ST3GAL6: variants seen among roughly 807,000 people sequenced by gnomAD.
ST3GAL6 encodes type 2 lactosamine alpha-2,3-sialyltransferase.
Under a neutral mutation model 40.5 loss-of-function variants are expected in ST3GAL6, and 31 were observed. The observed-to-expected ratio is 0.77, with a 90% CI of 0.58 to 1.03. The LOEUF (loss-of-function observed/expected upper bound fraction) is 1.03, where lower values mean the gene tolerates loss of function less well. ST3GAL6 is among the 50% of genes least tolerant of loss of function. ST3GAL6 has a pLI of 0.00. For missense variants in ST3GAL6, 357 were observed against 393.2 expected (o/e 0.91, Z 0.78); for synonymous variants, 129 against 136.9 (o/e 0.94, Z 0.40).
chr3:98,784,840 G>A lies in ST3GAL6; in HGVS notation c.336-105G>A, dbSNP rs949760456. 7 of 833,218 alleles carry A rather than the reference G, an allele frequency of 8.4e-6. No individual in the cohort carries two copies. In the African/African-American group the frequency reaches 1.0e-4, roughly 12 times the overall value. The allele number at this position is 833,218 out of a possible 1,614,324, so 51.6% of individuals were successfully genotyped here. On this transcript the variant is annotated intron_variant, in intron 5 of 9. Transcript: ENST00000483910. Reference sequence around the variant, plus strand: ...CGCAGTTGGTTCTTTTTCTACTTGCGCAACAAGTGGAATTTGGCACTGGGT... The same window carrying A: ...CGCAGTTGGTTCTTTTTCTACTTGCACAACAAGTGGAATTTGGCACTGGGT...
chr3:98,758,273 T>C (rs796820047), intron 1 of ST3GAL6, among the ~76,000 whole-genome samples: 23 of 152,360 alleles, frequency 1.5e-4, no homozygotes, highest in African/African-American at 5.3e-4. Context: ...TGGTATTTGC[T>C]TCAACACCTA....
chr3:98,785,621 T>G (rs978281488), intron 6 of ST3GAL6, among the ~76,000 whole-genome samples: 5 of 152,196 alleles, frequency 3.3e-5, no homozygotes, highest in African/African-American at 1.2e-4. Context: ...AATTGGAAGC[T>G]GAAGCGGTGA....
chr3:98,786,459 G>A (rs1007956929), intron 6 of ST3GAL6, among the ~76,000 whole-genome samples: 7 of 152,122 alleles, frequency 4.6e-5, no homozygotes, highest in African/African-American at 1.7e-4. Flanking sequence ...ACAGAGTGGT[G>A]ACCATTGGAC....
At chr3:98,766,573 A>G (rs990349759) in intron 1 of ST3GAL6, among the ~76,000 whole-genome samples, 2 of 151,902 alleles carry the variant, frequency 1.3e-5, no homozygotes, top group African/African-American at 4.8e-5. Context: ...GGTGCCTGCC[A>G]TCACGCCCGG....
At chr3:98,773,258 T>C (rs1939185655) in intron 4 of ST3GAL6, among the ~76,000 whole-genome samples, 1 of 152,202 alleles carries the variant, frequency 6.6e-6, no homozygotes, top group Non-Finnish European at 1.5e-5. Context: ...CCTTCCTAGC[T>C]TCCCATGGCT....
chr3:98,759,913 G>A (rs1381633675), upstream of ST3GAL6, among the ~76,000 whole-genome samples: 1 of 152,060 alleles, frequency 6.6e-6, no homozygotes, highest in Admixed American at 6.5e-5. Flanking sequence ...GACACTAATA[G>A]TAGATGGAAG....
chr3:98,758,856 CCT>C (rs1200291680), upstream of ST3GAL6, among the ~76,000 whole-genome samples: 1 of 152,084 alleles, frequency 6.6e-6, no homozygotes, highest in African/African-American at 2.4e-5. Flanking sequence ...CAGTTACTTA[CCT>C]AAGTATTTTA....
chr3:98,766,004 G>C (rs1249384399), intron 1 of ST3GAL6, among the ~76,000 whole-genome samples: 1 of 152,134 alleles, frequency 6.6e-6, no homozygotes, highest in East Asian at 1.9e-4. Context: ...TTTGCAACTT[G>C]AATACTGAAG....
At chr3:98,746,313 A>G (rs919964187) in intron 1 of ST3GAL6, among the ~76,000 whole-genome samples, 5 of 152,112 alleles carry the variant, frequency 3.3e-5, no homozygotes, top group African/African-American at 1.2e-4. Context: ...ATGTACTAAA[A>G]TATTGTTCTA....
intron 6 of ST3GAL6, among the ~76,000 whole-genome samples, chr3:98,786,013 G>A (rs752835009): frequency 1.1e-4 from 17 of 152,142 alleles, no homozygotes; most frequent in Non-Finnish European, 1.9e-4. Flanking sequence ...GAGATTGGCT[G>A]GAGAGTGGTA....
intron 1 of ST3GAL6, among the ~76,000 whole-genome samples, chr3:98,736,674 T>C (rs1370105690): frequency 2.0e-5 from 3 of 152,268 alleles, no homozygotes; most frequent in East Asian, 1.9e-4. Context: ...ATTCACTGAA[T>C]GTCCACCATG....
At chr3:98,760,334 A>G (rs1352410822), upstream of ST3GAL6, among the ~76,000 whole-genome samples, 4 of 152,206 alleles carry the variant, frequency 2.6e-5, no homozygotes, top group Non-Finnish European at 5.9e-5. Context: ...CTGCAGCTCT[A>G]CCAACTTCCC....
At chr3:98,782,726 G>T (rs769531183) in intron 5 of ST3GAL6, 5 of 478,480 alleles carry the variant, frequency 1.0e-5, no homozygotes, top group Non-Finnish European at 2.0e-5. Flanking sequence ...GGCCAATGGC[G>T]TGTCCATAGA....
At chr3:98,777,662 T>A (rs1385248288) in intron 5 of ST3GAL6, among the ~76,000 whole-genome samples, 1 of 152,268 alleles carries the variant, frequency 6.6e-6, no homozygotes, top group Non-Finnish European at 1.5e-5. Context: ...TCTGTTTTTA[T>A]GCCTGGTCAC....
intron 8 of ST3GAL6, among the ~76,000 whole-genome samples, chr3:98,791,023 A>T (rs1941161605): frequency 6.6e-6 from 1 of 152,152 alleles, no homozygotes; most frequent in Non-Finnish European, 1.5e-5. Flanking sequence ...ATAGTAAGTC[A>T]TATGTAATTT....
chr3:98,768,869 G>C (rs1938662719), intron 2 of ST3GAL6, among the ~76,000 whole-genome samples: 1 of 152,124 alleles, frequency 6.6e-6, no homozygotes, highest in South Asian at 2.1e-4. Context: ...TAAAATGCTT[G>C]CTTAAGAGAT....
chr3:98,784,206 G>A (rs1261537981), intron 5 of ST3GAL6, among the ~76,000 whole-genome samples: 2 of 152,196 alleles, frequency 1.3e-5, no homozygotes, highest in Non-Finnish European at 2.9e-5. Context: ...AGTCTATTTT[G>A]TCATTTCTCC....
intron 1 of ST3GAL6, among the ~76,000 whole-genome samples, chr3:98,741,051 A>AGTGTGTGTGTGTGT (rs35649214): frequency 1.6e-4 from 23 of 145,222 alleles, no homozygotes; most frequent in African/African-American, 6.1e-4. Flanking sequence ...AGAGGGATTC[A>AGTGTGTGTGTGTGT]GTGTGTGTGT....
At chr3:98,735,325 C>A (rs550749442) in intron 1 of ST3GAL6, among the ~76,000 whole-genome samples, 1 of 152,198 alleles carries the variant, frequency 6.6e-6, no homozygotes, top group Non-Finnish European at 1.5e-5. Context: ...TTCTCCTTTG[C>A]CTGGCATATC....
Sources: gnomAD v4.1 joint callset for allele counts (sites outside exome capture counted in the v4.1 genomes callset) on GRCh38, gnomAD v4.1.1 for gene constraint, MANE v1.5 for transcripts, NCBI Gene and HGNC (gene_info 2026-07-23, HGNC 2026-07-21) for gene names.